The following NPIPB6 variants were observed in gnomAD, a reference collection of about 807,000 sequenced individuals.
The protein encoded by NPIPB6 is nuclear pore complex interacting protein family member B6.
In NPIPB6, 2 loss-of-function variants were observed where a neutral mutation model predicts 20.0. That is an observed-to-expected ratio of 0.10 (90% CI 0.04 to 0.31). NPIPB6 has a LOEUF of 0.31. Among genes scored for constraint, NPIPB6 ranks in the 10% least tolerant of loss-of-function variants. NPIPB6 has a pLI of 1.00. For missense variants in NPIPB6, 96 were observed against 293.7 expected (o/e 0.33, Z 4.92); for synonymous variants, 35 against 116.3 (o/e 0.30, Z 4.50).
rs1404733762 is a variant in NPIPB6 at position 28,361,752 on chromosome 16, GTGTGTGTGTGTGTGTGTA to G, written c.120+933_120+950del. On this transcript the variant is annotated intron_variant, in intron 1 of 6. Transcript: ENST00000532254. ...TATATGTGTGTGTGTGTGTGTGTGT[GTGTGTGTGTGTGTGTGTA>G]TGTGTGTGTGTGTGTGTATCTATAT... is the stretch of plus-strand genomic sequence containing the variant. Among the ~76,000 whole-genome samples, 611 of 72,384 alleles carry G rather than the reference GTGTGTGTGTGTGTGTGTA, an allele frequency of 8.4e-3. 7 individuals carry two copies. The highest frequency in any genetic ancestry group is 0.015 in the Non-Finnish European group (454 of 30,406). The allele number at this position is 72,384 out of a possible 152,430, so 47.5% of individuals were successfully genotyped here. A position where few individuals can be genotyped will look rare whatever the true frequency, so the allele number is the denominator to read the frequency against.
chr16:28,347,921 C>T (rs2141612599), intron 4 of NPIPB6, among the ~76,000 whole-genome samples: 1 of 112,186 alleles, frequency 8.9e-6, no homozygotes, highest in South Asian at 2.8e-4. Context: ...ACCAGCTTGG[C>T]CAATATGGTG....
In NPIPB6 at chr16:28,343,213, T is replaced by C. The variant is rs1359103006; in HGVS notation, c.697-25A>G. 5.7e-6 allele frequency: 9 copies of C among 1,577,568 alleles called. No homozygotes were observed. The African/African-American group carries it at 8.1e-5, about 14-fold the overall frequency. On this transcript the variant is annotated intron_variant, in intron 6 of 6. Transcript: ENST00000532254. ...CCTGTAGGGCCAAAGGAGGGAATGT[T>C]TTCACACATATTCATTTGATGGACA... is the stretch of plus-strand genomic sequence containing the variant.
intron 2 of NPIPB6, among the ~76,000 whole-genome samples, chr16:28,351,759 C>T (rs1263997669): frequency 1.1e-5 from 1 of 88,976 alleles, no homozygotes; most frequent in Non-Finnish European, 2.6e-5. Flanking sequence ...CTTCATAACT[C>T]ATATATTTTC....
intron 4 of NPIPB6, among the ~76,000 whole-genome samples, chr16:28,348,299 G>T (rs866339197): frequency 1.8e-5 from 2 of 109,636 alleles, no homozygotes; most frequent in Admixed American, 1.0e-4. Context: ...AAAAAAAAAG[G>T]CTGGGTGTGG....
intron 1 of NPIPB6, among the ~76,000 whole-genome samples, 155 bp downstream of exon 2, chr16:28,362,548 C>T (rs1426579165): frequency 6.7e-5 from 10 of 149,672 alleles, no homozygotes; most frequent in Admixed American, 2.0e-4. Context: ...TACTCTACCC[C>T]ATCCCTAAGC....
intron 4 of NPIPB6, among the ~76,000 whole-genome samples, chr16:28,348,083 C>T (rs1242086684): frequency 8.9e-6 from 1 of 111,856 alleles, no homozygotes; most frequent in East Asian, 2.3e-4. Flanking sequence ...GCACTCTAGC[C>T]TGGGTGACAG....
intron 1 of NPIPB6, among the ~76,000 whole-genome samples, chr16:28,359,492 C>CT (rs2045380891): frequency 7.1e-6 from 1 of 140,374 alleles, no homozygotes; most frequent in Non-Finnish European, 1.5e-5. Flanking sequence ...ATGCAAAGAC[C>CT]GTCTGAGGAT....
At chr16:28,356,497 TA>T (rs1206573241) in intron 1 of NPIPB6, 5 of 257,404 alleles carry the variant, frequency 1.9e-5, no homozygotes, top group South Asian at 9.5e-5. Context: ...CACAGCCCAG[TA>T]AAAAGGAAGA....
rs1344606124 is a variant in NPIPB6 at position 28,348,169 on chromosome 16, C to T, written c.599+665G>A. ...GCACACACCTGTAATCCAAGCTACT[C>T]AGGAAGCTGAGGCAGAATTGCTTCA... is the stretch of plus-strand genomic sequence containing the variant. On this transcript the variant is annotated intron_variant, in intron 4 of 6. Transcript: ENST00000532254. Among the ~76,000 whole-genome samples, 22 of 111,690 alleles carry T rather than the reference C, an allele frequency of 2.0e-4. 4 individuals are homozygous for T. The highest frequency in any genetic ancestry group is 1.6e-3 in the Admixed American group (16 of 9,802). 73.3% of individuals were successfully genotyped at this position (111,690 alleles called of 152,430 possible).
rs778222735 is a variant in NPIPB6 at position 28,343,141 on chromosome 16, G to A, written c.744C>T (p.Tyr248=). 24 of 1,543,230 alleles carry A rather than the reference G, an allele frequency of 1.6e-5. 2 individuals are homozygous for A. The East Asian group carries it at 2.3e-4, about 15-fold the overall frequency. The change falls in exon 7 of 7, where the codon TAC becomes TAT. Residue 248 remains tyrosine, a synonymous_variant. Transcript: ENST00000532254. ...AAGTTTCAGCTGTGAGGTAGGGCCA[G>A]TAGGGCAATCCTGAAGAATGACGAT...
At chr16:28,359,122 G>A (rs1355843371) in intron 1 of NPIPB6, among the ~76,000 whole-genome samples, 1 of 143,458 alleles carries the variant, frequency 7.0e-6, no homozygotes, top group Non-Finnish European at 1.5e-5. Context: ...CTAGATTTCG[G>A]TTGTGTTGGT....
chr16:28,348,317 C>A lies in NPIPB6; in HGVS notation c.599+517G>T, dbSNP rs1334278205. 3.0e-4 allele frequency among the ~76,000 whole-genome samples: 32 copies of A among 107,186 alleles called. 3 individuals are homozygous for A. Among genetic ancestry groups the A allele is most frequent in the African/African-American group, 9.6e-4 (30 of 31,158 alleles). 70.3% of individuals were successfully genotyped at this position (107,186 alleles called of 152,430 possible). On this transcript the variant is annotated intron_variant, in intron 4 of 6. Transcript: ENST00000532254. ...AAAAAAGGCTGGGTGTGGTGGCTCA[C>A]ACCTCTAATCCCAGCACTTTGGGAG...
chr16:28,349,628 C>T (rs1220112807), intron 2 of NPIPB6, among the ~76,000 whole-genome samples: 1 of 95,508 alleles, frequency 1.0e-5, no homozygotes, highest in African/African-American at 3.6e-5. Flanking sequence ...GTGGCTCACT[C>T]CTGTAATCCC....
At chr16:28,362,885 T>G in exon 1 of NPIPB6, 1 of 1,249,388 alleles carries the variant, frequency 8.0e-7, no homozygotes, top group Non-Finnish European at 1.1e-6. Context: ...AAAAAAATAG[T>G]GTTGAATGAG....
At chr16:28,355,898 C>G (rs2045308825) in intron 1 of NPIPB6, among the ~76,000 whole-genome samples, 1 of 119,696 alleles carries the variant, frequency 8.4e-6, no homozygotes, top group Non-Finnish European at 1.9e-5. Flanking sequence ...CCTGTAATCC[C>G]AGCACTGGGA....
At chr16:28,349,432 A>G (rs1460507199) in intron 2 of NPIPB6, among the ~76,000 whole-genome samples, 191 bp from the exon 4 acceptor site, 1 of 83,078 alleles carries the variant, frequency 1.2e-5, no homozygotes, top group Non-Finnish European at 2.7e-5. Context: ...GGCGCCTGTA[A>G]TCCAAGCTAC....
rs534582571 is a variant in NPIPB6 at position 28,343,168 on chromosome 16, C to T, written c.717G>A (p.Glu239=). 4.0e-5 allele frequency: 64 copies of T among 1,583,052 alleles called. 1 individual carries two copies. The South Asian group carries it at 6.1e-4, about 15-fold the overall frequency. Residue 239 remains glutamate, a synonymous_variant, in exon 7 of 7, where the codon GAG becomes GAA. Coordinates refer to ENST00000532254, the Ensembl canonical transcript of NPIPB6. ...AGGGCAATCCTGAAGAATGACGATG[C>T]TCCGCTGCCACCATTCTGACCTGTA...
At chr16:28,343,287 T>C in intron 6 of NPIPB6, 99 bp from the exon 8 acceptor site, 1 of 894,702 alleles carries the variant, frequency 1.1e-6, no homozygotes, top group South Asian at 1.6e-5. Context: ...TGGTGATAGA[T>C]TTTTGCACCT....
intron 1 of NPIPB6, among the ~76,000 whole-genome samples, chr16:28,361,756 GTGTGTGTGTGTGTA>G (rs1295233604): frequency 0.019 from 1,419 of 73,596 alleles, 20 homozygotes; most frequent in Admixed American, 0.05. Flanking sequence ...GTGTGTGTGT[GTGTGTGTGTGTGTA>G]TGTGTGTGTG....
Sources: gnomAD v4.1 joint callset for allele counts (sites outside exome capture counted in the v4.1 genomes callset) on GRCh38, gnomAD v4.1.1 for gene constraint, MANE v1.5 for transcripts, NCBI Gene and HGNC (gene_info 2026-07-23, HGNC 2026-07-21) for gene names.